CNTFR: variants seen among roughly 807,000 people sequenced by gnomAD.
CNTFR encodes the protein ciliary neurotrophic factor receptor subunit alpha.
Under a neutral mutation model 40.4 loss-of-function variants are expected in CNTFR, and 12 were observed. The observed-to-expected ratio is 0.30, with a 90% CI of 0.19 to 0.48. The LOEUF is 0.48. CNTFR is among the 20% of genes least tolerant of loss of function. The probability of loss-of-function intolerance (pLI) is 0.99; values close to 1 mark genes in which losing one functional copy is unlikely to be tolerated. For missense variants in CNTFR, 414 were observed against 506.8 expected, an observed-to-expected ratio of 0.82 and a Z score of 1.76; for synonymous variants, 202 against 209.6, an observed-to-expected ratio of 0.96 and a Z score of 0.31.
intron 4 of CNTFR, among the ~76,000 whole-genome samples, chr9:34,560,182 G>A (rs931811344): frequency 6.6e-5 from 10 of 152,248 alleles, no homozygotes; most frequent in Admixed American, 1.3e-4. Context: ...CCGGGTGGGC[G>A]GAGGTGGGGG....
At chr9:34,572,114 T>C (rs1826689783) in intron 2 of CNTFR, among the ~76,000 whole-genome samples, 1 of 151,882 alleles carries the variant, frequency 6.6e-6, no homozygotes, top group Non-Finnish European at 1.5e-5. Flanking sequence ...TTGCTGGGGA[T>C]CTAGGACCCC....
chr9:34,557,613 A>T lies in CNTFR; in HGVS notation c.517T>A (p.Ser173Thr), dbSNP rs1404225246. The T allele has an allele frequency of 6.2e-7, 1 of 1,614,194 alleles. No homozygotes were observed. Among genetic ancestry groups the T allele is most frequent in the Admixed American group, 1.7e-5 (1 of 60,026 alleles). The change falls in exon 6 of 10, where the codon TCC becomes ACC. Residue 173 changes from serine to threonine, a missense_variant. By Grantham distance (58) the Ser-to-Thr change is moderately conservative. Coordinates refer to ENST00000378980, the MANE Select transcript of CNTFR (RefSeq NM_147164.3). This position sits in a 1 kb window ranked among gnomAD's most constrained non-coding sequence, Gnocchi z 4.2. ...RCHIRYMHLF[S>T]TIKYKVSISV... ...ATGGAGACCTTGTACTTGATGGTGGAGAACAGGTGCATGTAGCGAATGTGG... is the reference window on the plus strand; with the variant it reads ...ATGGAGACCTTGTACTTGATGGTGGTGAACAGGTGCATGTAGCGAATGTGG...
intron 4 of CNTFR, among the ~76,000 whole-genome samples, chr9:34,560,170 G>A (rs1246900915): frequency 6.6e-6 from 1 of 152,224 alleles, no homozygotes; most frequent in African/African-American, 2.4e-5. Flanking sequence ...CCAGCTGAGG[G>A]GCCGGGTGGG....
intron 2 of CNTFR, among the ~76,000 whole-genome samples, 180 bp downstream of exon 2, chr9:34,580,915 A>G (rs144329194): frequency 3.6e-4 from 55 of 152,158 alleles, no homozygotes; most frequent in African/African-American, 1.3e-3. Context: ...TTCCCTTTCT[A>G]TTTGAGAGCA....
At chr9:34,582,050 G>T (rs1023336269) in intron 1 of CNTFR, among the ~76,000 whole-genome samples, 2 of 152,124 alleles carry the variant, frequency 1.3e-5, no homozygotes, top group Non-Finnish European at 2.9e-5. Flanking sequence ...GAAGCAGGTG[G>T]ATCACCTGAG....
At position 34,557,720 on chromosome 9, in the gene CNTFR, T is replaced by C. The variant is rs775819617; in HGVS notation, c.438-28A>G. Reference sequence around the variant, plus strand: ...GGGGAGAGGTGAGACCCAGGCACTGTTACGAACATCAAGGGTCAGGTGGGG... The same window carrying C: ...GGGGAGAGGTGAGACCCAGGCACTGCTACGAACATCAAGGGTCAGGTGGGG... On this transcript the variant is annotated intron_variant, in intron 5 of 9. Transcript: ENST00000378980. The surrounding 1 kb of genome is among the most constrained non-coding windows in gnomAD (Gnocchi z 4.2). 3 of 1,613,308 alleles carry C rather than the reference T, an allele frequency of 1.9e-6. No individual in the cohort carries two copies. The African/African-American group carries it at 4.0e-5, about 22-fold the overall frequency.
chr9:34,556,494 T>A lies in CNTFR; in HGVS notation c.605-76A>T, dbSNP rs1825840827. The A allele has an allele frequency of 4.2e-6, 6 of 1,444,540 alleles. No homozygotes were observed. In the Admixed American group the frequency reaches 1.3e-4, roughly 31 times the overall value. The allele number at this position is 1,444,540 out of a possible 1,614,324, so 89.5% of individuals were successfully genotyped here. Reference sequence around the variant, plus strand: ...ACTTTGTCAACTCCAGCCACCATGTTGACCCTCTCATATTGCCAACCATTG... The same window carrying A: ...ACTTTGTCAACTCCAGCCACCATGTAGACCCTCTCATATTGCCAACCATTG... On this transcript the variant is annotated intron_variant, in intron 6 of 9. Transcript: ENST00000378980.
intron 2 of CNTFR, 79 bp from the exon 3 acceptor site, chr9:34,569,060 A>G: frequency 5.1e-6 from 7 of 1,361,084 alleles, no homozygotes; most frequent in Non-Finnish European, 7.1e-6. Flanking sequence ...TCCTGTTCTC[A>G]GGCAAGACTG....
chr9:34,576,883 T>A (rs1219093121), intron 2 of CNTFR, among the ~76,000 whole-genome samples: 1 of 152,234 alleles, frequency 6.6e-6, no homozygotes, highest in East Asian at 1.9e-4. Flanking sequence ...AAAACCTCTA[T>A]GTGCCCATAA....
At chr9:34,559,886 G>A (rs920436872) in intron 4 of CNTFR, among the ~76,000 whole-genome samples, 2 of 152,032 alleles carry the variant, frequency 1.3e-5, no homozygotes, top group Non-Finnish European at 2.9e-5. Context: ...CACTGACCAG[G>A]CTCCCCCACT....
At chr9:34,564,269 G>A (rs1201393720) in intron 4 of CNTFR, among the ~76,000 whole-genome samples, 2 of 152,102 alleles carry the variant, frequency 1.3e-5, no homozygotes, top group Admixed American at 6.5e-5. Context: ...GCTCAGATCC[G>A]TGACCTGAGG....
chr9:34,590,188 C>A (rs1486474704), upstream of CNTFR: 3 of 150,934 alleles, frequency 2.0e-5, no homozygotes, highest in Admixed American at 6.7e-5. Context: ...ACACACACAC[C>A]CACTCGGCCC....
Position 34,552,237 on chromosome 9 carries a change from C to T in CNTFR, c.1042G>A (p.Ala348Thr), listed in dbSNP as rs1362608742. 6.4e-7 allele frequency: 1 copy of T among 1,557,072 alleles called. No individual in the cohort carries two copies. The highest frequency in any genetic ancestry group is 2.4e-5 in the East Asian group (1 of 41,738). Reference protein sequence around the residue: ...GELGSGGGPSAPFLVSVPITL... With the variant: ...GELGSGGGPSTPFLVSVPITL... ...ATGGGGACGCTGACCAAGAAGGGTGCCGAGGGTCCCCCGCCGCTGCCCAGC... is the reference window on the plus strand; with the variant it reads ...ATGGGGACGCTGACCAAGAAGGGTGTCGAGGGTCCCCCGCCGCTGCCCAGC... The change falls in exon 9 of 10, where the codon GCA (alanine) becomes ACA (threonine). Residue 348 changes from alanine to threonine, a missense_variant. By Grantham distance (58) the Ala-to-Thr change is moderately conservative. Transcript: ENST00000378980. The surrounding 1 kb of genome is among the most constrained non-coding windows in gnomAD (Gnocchi z 5.1).
Position 34,551,865 on chromosome 9 carries a change from C to T in CNTFR, c.*206G>A, listed in dbSNP as rs2132107451. Reference sequence around the variant, plus strand: ...GTGGGTTAGCTGCATGGCCCACCTCCCCTGAGGGAGGAAGGAGGGCCAGCT... The same window carrying T: ...GTGGGTTAGCTGCATGGCCCACCTCTCCTGAGGGAGGAAGGAGGGCCAGCT... On this transcript the variant is annotated 3_prime_UTR_variant, in exon 10 of 10. Transcript: ENST00000378980. The T allele has an allele frequency of 1.5e-6, 1 of 675,664 alleles. No individual in the cohort carries two copies. Among genetic ancestry groups the T allele is most frequent in the Non-Finnish European group, 2.7e-6 (1 of 371,704 alleles). The allele number at this position is 675,664 out of a possible 1,614,324, so 41.9% of individuals were successfully genotyped here.
In CNTFR at chr9:34,568,928, T is replaced by C. The variant is rs573694260; in HGVS notation, c.54A>G (p.Ala18=). 8.8e-6 allele frequency: 14 copies of C among 1,598,834 alleles called. No individual in the cohort carries two copies. Among genetic ancestry groups the C allele is most frequent in the South Asian group, 1.1e-5 (1 of 88,482 alleles). Reference sequence around the variant, plus strand: ...GACTGTGTCTCTGGGCGTAGACAACTGCGGCGGCGGCGGCAAGCACAGCAC... The same window carrying C: ...GACTGTGTCTCTGGGCGTAGACAACCGCGGCGGCGGCGGCAAGCACAGCAC... ...ACCAVLAAAA[A]VVYAQRHSPQ... Residue 18 remains alanine, a synonymous_variant, in exon 3 of 10, where the codon GCA becomes GCG. Transcript: ENST00000378980.
intron 4 of CNTFR, among the ~76,000 whole-genome samples, chr9:34,558,385 G>A (rs772856954): frequency 2.0e-5 from 3 of 152,162 alleles, no homozygotes; most frequent in Non-Finnish European, 4.4e-5. Flanking sequence ...GTCTTGAATG[G>A]GTCCTCCGAC....
At position 34,552,867 on chromosome 9, in the gene CNTFR, C is replaced by T; in HGVS notation, c.769-13G>A. On this transcript the variant is annotated splice_polypyrimidine_tract_variant and intron_variant, in intron 7 of 9. Coordinates refer to ENST00000378980, the MANE Select transcript of CNTFR (RefSeq NM_147164.3). The surrounding 1 kb of genome is among the most constrained non-coding windows in gnomAD (Gnocchi z 5.1). ...CGGACAGCTCCACCTGCAGCCAGAC[C>T]ATGGGGTGGGGGTAAGGACACACCT... The T allele has an allele frequency of 6.2e-7, 1 of 1,607,806 alleles. No individual in the cohort carries two copies. The highest frequency in any genetic ancestry group is 8.5e-7 in the Non-Finnish European group (1 of 1,179,454).
rs1310341312 is a variant in CNTFR, at chr9:34,580,170, C to T, written c.-1+925G>A. 2.0e-5 allele frequency: 3 copies of T among 152,326 alleles called. No homozygotes were observed. In the East Asian group the frequency reaches 5.8e-4, roughly 29 times the overall value. 9.4% of individuals were successfully genotyped at this position (152,326 alleles called of 1,614,324 possible). A position where few individuals can be genotyped will look rare whatever the true frequency, so the allele number is the denominator to read the frequency against. ...CGTGCCCTCTCAGCCCAGTAGCACA[C>T]TTTCCAAATAAGCCATCAGACTCCT... On this transcript the variant is annotated intron_variant, in intron 2 of 9. Coordinates refer to ENST00000378980, the MANE Select transcript of CNTFR (RefSeq NM_147164.3).
intron 7 of CNTFR, among the ~76,000 whole-genome samples, chr9:34,553,186 C>T (rs1043638705): frequency 2.6e-5 from 4 of 152,248 alleles, no homozygotes; most frequent in South Asian, 2.1e-4. Flanking sequence ...GCCCCTAGCC[C>T]GGCTGAATCC....
Sources: gnomAD v4.1 joint callset for allele counts (sites outside exome capture counted in the v4.1 genomes callset) on GRCh38, gnomAD v4.1.1 for gene constraint, Gnocchi (gnomAD v3.1) non-coding constraint, MANE v1.5 for transcripts, NCBI Gene and HGNC (gene_info 2026-07-23, HGNC 2026-07-21) for gene names.